AGBL1: variants seen among roughly 807,000 people sequenced by gnomAD.
AGBL1 encodes the protein cytosolic carboxypeptidase 4.
AGBL1 carries 130 observed loss-of-function variants against 118.9 expected under a neutral mutation model. The observed-to-expected ratio is 1.09, with a 90% CI of 0.95 to 1.26. The LOEUF (loss-of-function observed/expected upper bound fraction) is 1.26, where lower values mean the gene tolerates loss of function less well. Ranked by LOEUF, AGBL1 falls within the 50% of genes most tolerant of loss-of-function variation. AGBL1 has a pLI of 0.00. For missense variants in AGBL1, 1,584 were observed against 1,298.1 expected (o/e 1.22, Z -3.38); for synonymous variants, 555 against 478.9 (o/e 1.16, Z -2.08).
intron 22 of AGBL1, among the ~76,000 whole-genome samples, chr15:86,694,212 T>A (rs1052907052): frequency 7.2e-5 from 11 of 152,176 alleles, no homozygotes; most frequent in Non-Finnish European, 1.6e-4. Flanking sequence ...CAATATTGAT[T>A]TTACCCCTCC....
intron 24 of AGBL1, among the ~76,000 whole-genome samples, chr15:86,995,403 TAAAC>T (rs577142484): frequency 9.0e-4 from 137 of 151,900 alleles, no homozygotes; most frequent in African/African-American, 3.2e-3. Flanking sequence ...AATAAGTAAA[TAAAC>T]AAACATAGGG....
Position 86,952,228 on chromosome 15 carries a change from C to CA in AGBL1, c.3222-35744dup, listed in dbSNP as rs553982989. 5.8e-3 allele frequency among the ~76,000 whole-genome samples: 774 copies of CA among 132,988 alleles called. 3 individuals carry two copies. The highest frequency in any genetic ancestry group is 0.017 in the African/African-American group (618 of 35,744). The allele number at this position is 132,988 out of a possible 152,430, so 87.2% of individuals were successfully genotyped here. A position where few individuals can be genotyped will look rare whatever the true frequency, so the allele number is the denominator to read the frequency against. On this transcript the variant is annotated intron_variant, in intron 23 of 24. Coordinates refer to the AGBL1 transcript ENST00000441037. ...CCTGGACAAGAGCAAAACTCTGTCTCAAAAAAAAAAAAAAATTTTTTTGTC... is the reference window on the plus strand; with the variant it reads ...CCTGGACAAGAGCAAAACTCTGTCTCAAAAAAAAAAAAAAAATTTTTTTGTC...
chr15:86,202,689 C>T (rs550734390), intron 5 of AGBL1, among the ~76,000 whole-genome samples: 4 of 152,046 alleles, frequency 2.6e-5, no homozygotes, highest in Non-Finnish European at 5.9e-5. Context: ...ATTTTTATTT[C>T]CTATAATATT....
intron 17 of AGBL1, among the ~76,000 whole-genome samples, chr15:86,307,100 A>G (rs1008265667): frequency 6.6e-6 from 1 of 151,866 alleles, no homozygotes; most frequent in African/African-American, 2.4e-5. Context: ...AAAAATCTTA[A>G]CTCTCTTGCC....
chr15:86,672,454 ACCTGTTATGTGT>A (rs373382256), intron 21 of AGBL1, among the ~76,000 whole-genome samples: 46 of 152,260 alleles, frequency 3.0e-4, no homozygotes, highest in African/African-American at 1.0e-3. Flanking sequence ...TCTACAGAGC[ACCTGTTATGTGT>A]CTGCTGGAGG....
chr15:86,254,482 G>A (rs2078864334), intron 7 of AGBL1, among the ~76,000 whole-genome samples: 1 of 152,170 alleles, frequency 6.6e-6, no homozygotes, highest in African/African-American at 2.4e-5. Flanking sequence ...ATGCAAGTAG[G>A]GTATTTATTA....
At chr15:86,987,611 G>C (rs1300192161) in intron 23 of AGBL1, among the ~76,000 whole-genome samples, 1 of 151,938 alleles carries the variant, frequency 6.6e-6, no homozygotes, top group African/African-American at 2.4e-5. Context: ...TTACTATTTT[G>C]TTAATAGTTT....
chr15:86,208,442 T>G, intron 5 of AGBL1, among the ~76,000 whole-genome samples: 1 of 152,226 alleles, frequency 6.6e-6, no homozygotes, highest in South Asian at 2.1e-4. Flanking sequence ...TGTGAATCCA[T>G]CTGGTCCTGG....
rs1223273427 is a variant in AGBL1, at chr15:86,444,766, G to A, written c.2555+47220G>A. 3.3e-5 allele frequency among the ~76,000 whole-genome samples: 5 copies of A among 152,080 alleles called. No individual in the cohort carries two copies. In the East Asian group the frequency reaches 5.8e-4, roughly 18 times the overall value. The stretch of plus-strand genomic sequence containing the variant: ...CCCAGCCCTTTGCAGTCAAAAGACC[G>A]GCACAAGACAAGGGGCCACCCACTC... On this transcript the variant is annotated intron_variant, in intron 18 of 22. Transcript: ENST00000614907.
intron 18 of AGBL1, among the ~76,000 whole-genome samples, chr15:86,513,523 G>A (rs2083077754): frequency 6.6e-6 from 1 of 151,960 alleles, no homozygotes; most frequent in Non-Finnish European, 1.5e-5. Context: ...TTTGCTTTGG[G>A]ATTAGTAAGT....
chr15:86,517,372 C>T (rs1014562351), intron 18 of AGBL1, among the ~76,000 whole-genome samples: 7 of 152,220 alleles, frequency 4.6e-5, no homozygotes, highest in Admixed American at 1.3e-4. Flanking sequence ...CTACATATCT[C>T]ACAGGCTACC....
intron 19 of AGBL1, among the ~76,000 whole-genome samples, chr15:86,542,511 C>T (rs140230133): frequency 8.9e-4 from 135 of 151,738 alleles, no homozygotes; most frequent in African/African-American, 2.5e-3. Flanking sequence ...GGATTACAGG[C>T]GCATGCCACC....
At chr15:86,303,733 A>G (rs572405227) in intron 17 of AGBL1, among the ~76,000 whole-genome samples, 2 of 152,322 alleles carry the variant, frequency 1.3e-5, no homozygotes, top group African/African-American at 4.8e-5. Flanking sequence ...AACATGTAAT[A>G]TATTTCATCA....
chr15:86,792,587 T>C (rs2141333052), intron 22 of AGBL1, among the ~76,000 whole-genome samples: 1 of 152,256 alleles, frequency 6.6e-6, no homozygotes, highest in South Asian at 2.1e-4. Context: ...TTTGAAATCA[T>C]TACCCATCCA....
intron 22 of AGBL1, among the ~76,000 whole-genome samples, chr15:86,814,169 C>T (rs1184819380): frequency 6.6e-6 from 1 of 152,174 alleles, no homozygotes; most frequent in East Asian, 1.9e-4. Context: ...CTGAGCTCTG[C>T]CTCTTGTCAA....
At chr15:86,111,063 C>A (rs192285986) in intron 1 of AGBL1, among the ~76,000 whole-genome samples, 15 of 152,320 alleles carry the variant, frequency 9.8e-5, no homozygotes, top group Admixed American at 9.1e-4. Flanking sequence ...CCAGGCATTT[C>A]TCTTTTGAAA....
In AGBL1 at chr15:86,522,753, T is replaced by C. The variant is rs943295014; in HGVS notation, c.2556-57T>C. 1.5e-5 allele frequency: 23 copies of C among 1,575,022 alleles called. No individual in the cohort carries two copies. The Middle Eastern group carries it at 5.2e-4, about 35-fold the overall frequency. ...ATTGTTTATCTTGTGGAGCTTTATTTTCTCAAGTTATTTTCTTCTGAATGT... is the reference window on the plus strand; with the variant it reads ...ATTGTTTATCTTGTGGAGCTTTATTCTCTCAAGTTATTTTCTTCTGAATGT... On this transcript the variant is annotated intron_variant, in intron 18 of 22. Coordinates refer to ENST00000614907, the MANE Select transcript of AGBL1 (RefSeq NM_001386094.1).
chr15:86,698,014 A>C (rs1157191581), intron 22 of AGBL1, among the ~76,000 whole-genome samples: 2 of 152,020 alleles, frequency 1.3e-5, no homozygotes, highest in Non-Finnish European at 2.9e-5. Flanking sequence ...ATATTCCTGC[A>C]GTAGTTCTTG....
chr15:86,210,951 G>A (rs372406081), intron 5 of AGBL1, among the ~76,000 whole-genome samples: 1 of 152,166 alleles, frequency 6.6e-6, no homozygotes, highest in East Asian at 1.9e-4. Flanking sequence ...CTTCTTTGTG[G>A]TTTTTTCTAC....
Sources: allele counts gnomAD v4.1 joint callset (sites outside exome capture counted in the v4.1 genomes callset), GRCh38; gene constraint gnomAD v4.1.1; transcripts MANE v1.5; gene names NCBI Gene and HGNC (gene_info 2026-07-23, HGNC 2026-07-21).